The following ZNF428 variants were observed in gnomAD, a reference collection of about 807,000 sequenced individuals.
ZNF428 encodes zinc finger protein 428.
In ZNF428, 5 loss-of-function variants were observed where a neutral mutation model predicts 15.6. The observed-to-expected ratio is 0.32, with a 90% CI of 0.17 to 0.67. The LOEUF (loss-of-function observed/expected upper bound fraction) is 0.67, where lower values mean the gene tolerates loss of function less well. Ranked by LOEUF, ZNF428 falls within the 30% of genes least tolerant of loss-of-function variation. The pLI is 0.73. For missense variants in ZNF428, 237 were observed against 256.0 expected, an observed-to-expected ratio of 0.93 and a Z score of 0.51; for synonymous variants, 97 against 102.2, an observed-to-expected ratio of 0.95 and a Z score of 0.31.
rs1247762355 is a variant in ZNF428, at chr19:43,614,312, G to A, written c.-8C>T. ...CTCACGGGTCTCTGTCATGACCGGG[G>A]GAGGGGACAGGAGACAGGAGCAGAG... On this transcript the variant is annotated 5_prime_UTR_variant, in exon 2 of 3. Coordinates refer to ENST00000300811, the MANE Select transcript of ZNF428 (RefSeq NM_182498.4). 1.3e-6 allele frequency: 2 copies of A among 1,594,288 alleles called. No individual in the cohort carries two copies. Among genetic ancestry groups the A allele is most frequent in the Non-Finnish European group, 1.7e-6 (2 of 1,170,358 alleles).
chr19:43,613,217 A>C, intron 2 of ZNF428: 1 of 1,551,732 alleles, frequency 6.4e-7, no homozygotes, highest in Non-Finnish European at 8.7e-7. Flanking sequence ...AAGAAGTCAT[A>C]GCCATTCCAG....
Position 43,618,481 on chromosome 19 carries a change from A to T in ZNF428, c.-131+1077T>A, listed in dbSNP as rs545238019. On this transcript the variant is annotated intron_variant, in intron 1 of 2. Coordinates refer to ENST00000300811, the MANE Select transcript of ZNF428 (RefSeq NM_182498.4). ...GGAGGTTAGCTCACTGTAACCTCAA[A>T]CTCCTGTGCTCAAGGTACCCTACTA... 3.3e-5 allele frequency among the ~76,000 whole-genome samples: 5 copies of T among 150,708 alleles called. No individual in the cohort carries two copies. In the East Asian group the frequency reaches 9.9e-4, roughly 30 times the overall value.
rs764528819 is a variant in ZNF428, at chr19:43,607,692, C to T, written c.492G>A (p.Thr164=). The T allele has an allele frequency of 9.9e-6, 16 of 1,613,688 alleles. No individual in the cohort carries two copies. The highest frequency in any genetic ancestry group is 3.3e-5 in the Admixed American group (2 of 59,962). ...EEEEEGTYHC[T]ECEDSFDNLG... ...GGTTGTCGAAGGAATCCTCACATTC[C>T]GTACAGTGGTAGGTTCCCTCCTCCT... The change falls in exon 3 of 3, where the codon ACG becomes ACA. Residue 164 remains threonine, a synonymous_variant. Transcript: ENST00000300811. The surrounding 1 kb of genome is among the most constrained non-coding windows in gnomAD (Gnocchi z 5.1).
At chr19:43,609,047 G>A (rs1973268818) in intron 2 of ZNF428, among the ~76,000 whole-genome samples, 1 of 152,144 alleles carries the variant, frequency 6.6e-6, no homozygotes, top group South Asian at 2.1e-4. Context: ...CAAAGCCGGA[G>A]TAGTAAAAAC....
intron 1 of ZNF428, among the ~76,000 whole-genome samples, chr19:43,618,217 T>A (rs2146125445): frequency 6.6e-6 from 1 of 151,952 alleles, no homozygotes; most frequent in South Asian, 2.1e-4. Flanking sequence ...GTATTTTTAG[T>A]AGAGATGGGG....
intron 1 of ZNF428, among the ~76,000 whole-genome samples, chr19:43,617,883 A>C (rs1189354969): frequency 1.3e-5 from 2 of 151,900 alleles, no homozygotes; most frequent in African/African-American, 4.8e-5. Context: ...CTTTTTTGGG[A>C]CGGAGTGTCA....
rs750320554 is a variant in ZNF428, at chr19:43,607,939, G to A, written c.245C>T (p.Ala82Val). ...GGCCGGGGGCTGGGCTGCACGGGGG[G>A]CCCGGCGGGATGGGCCACCACGGCC... ...GGGRGGPSRR[A>V]PRAAQPPAQP... Residue 82 changes from alanine (A) to valine (V), a missense_variant, in exon 3 of 3, where the codon GCC becomes GTC. Ala to Val is a moderately conservative substitution (Grantham distance 64). Coordinates refer to ENST00000300811, the MANE Select transcript of ZNF428 (RefSeq NM_182498.4). This position sits in a 1 kb window ranked among gnomAD's most constrained non-coding sequence, Gnocchi z 5.1. The A allele has an allele frequency of 2.9e-5, 46 of 1,580,026 alleles. No homozygotes were observed. Among genetic ancestry groups the A allele is most frequent in the Non-Finnish European group, 3.9e-5 (45 of 1,163,200 alleles).
intron 2 of ZNF428, chr19:43,613,916 C>T (rs1170203883): frequency 6.4e-7 from 1 of 1,551,484 alleles, no homozygotes; most frequent in Admixed American, 2.0e-5. Context: ...ATCTAGAAGC[C>T]CCAATAAGCA....
chr19:43,615,939 G>C (rs1266289012), intron 1 of ZNF428, among the ~76,000 whole-genome samples: 2 of 152,308 alleles, frequency 1.3e-5, no homozygotes, highest in East Asian at 3.9e-4. Flanking sequence ...GAGGCTTTAA[G>C]ACAGCAGCAT....
chr19:43,607,395 A>AC lies in ZNF428; in HGVS notation c.*221_*222insG, dbSNP rs1568532915. 5.3e-5 allele frequency: 29 copies of AC among 546,758 alleles called. No individual in the cohort carries two copies. The African/African-American group carries it at 5.4e-4, about 10-fold the overall frequency. The allele number at this position is 546,758 out of a possible 1,614,324, so 33.9% of individuals were successfully genotyped here. A position where few individuals can be genotyped will look rare whatever the true frequency, so the allele number is the denominator to read the frequency against. Reference sequence around the variant, plus strand: ...AATACACACACACACACACACACACAAACACACACACGGGCGGGAATACAC... The same window carrying AC: ...AATACACACACACACACACACACACACAACACACACACGGGCGGGAATACAC... On this transcript the variant is annotated 3_prime_UTR_variant, in exon 3 of 3. Transcript: ENST00000300811. This position sits in a 1 kb window ranked among gnomAD's most constrained non-coding sequence, Gnocchi z 5.1.
Position 43,607,386 on chromosome 19 carries a change from C to A in ZNF428, c.*231G>T. 2 of 531,948 alleles carry A rather than the reference C, an allele frequency of 3.8e-6. No individual in the cohort carries two copies. The highest frequency in any genetic ancestry group is 6.4e-6 in the Non-Finnish European group (2 of 313,766). 33.0% of individuals were successfully genotyped at this position (531,948 alleles called of 1,614,324 possible). ...CCCAGGGGGAATACACACACACACA[C>A]ACACACACAAACACACACACGGGCG... On this transcript the variant is annotated 3_prime_UTR_variant, in exon 3 of 3. Transcript: ENST00000300811. This position sits in a 1 kb window ranked among gnomAD's most constrained non-coding sequence, Gnocchi z 5.1.
At chr19:43,616,611 G>C (rs1268762279) in intron 1 of ZNF428, among the ~76,000 whole-genome samples, 2 of 152,172 alleles carry the variant, frequency 1.3e-5, no homozygotes, top group Non-Finnish European at 2.9e-5. Flanking sequence ...AGGTTTTTCT[G>C]AAGATTCAGT....
chr19:43,616,092 G>A (rs1973369044), intron 1 of ZNF428, among the ~76,000 whole-genome samples: 1 of 152,106 alleles, frequency 6.6e-6, no homozygotes, highest in Non-Finnish European at 1.5e-5. Context: ...CAGGCCTAAG[G>A]TACACAACAT....
chr19:43,612,561 C>T lies in ZNF428; in HGVS notation c.76+1668G>A. ...GCCAGCACTCCTGGCAGGATAAGAA[C>T]TCATGGTGCCAGACCAGGCATGGCC... On this transcript the variant is annotated intron_variant, in intron 2 of 2. Transcript: ENST00000300811. The surrounding 1 kb of genome is among the most constrained non-coding windows in gnomAD (Gnocchi z 4.2). 6.4e-7 allele frequency: 1 copy of T among 1,551,528 alleles called. No individual in the cohort carries two copies. The highest frequency in any genetic ancestry group is 8.7e-7 in the Non-Finnish European group (1 of 1,146,958).
chr19:43,612,032 C>G lies in ZNF428; in HGVS notation c.76+2197G>C. ...CCCACTATTACTTCACACAGTTGGC[C>G]TGTGACAGGCAATCAGGTCATCGTC... On this transcript the variant is annotated intron_variant, in intron 2 of 2. Coordinates refer to ENST00000300811, the MANE Select transcript of ZNF428 (RefSeq NM_182498.4). This position sits in a 1 kb window ranked among gnomAD's most constrained non-coding sequence, Gnocchi z 4.2. The G allele has an allele frequency of 1.0e-6, 1 of 990,676 alleles. No homozygotes were observed. The highest frequency in any genetic ancestry group is 1.5e-6 in the Non-Finnish European group (1 of 654,186). 61.4% of individuals were successfully genotyped at this position (990,676 alleles called of 1,614,324 possible). A position where few individuals can be genotyped will look rare whatever the true frequency, so the allele number is the denominator to read the frequency against.
chr19:43,612,687 G>A lies in ZNF428; in HGVS notation c.76+1542C>T. The A allele has an allele frequency of 1.9e-6, 3 of 1,551,574 alleles. No individual in the cohort carries two copies. The highest frequency in any genetic ancestry group is 2.6e-6 in the Non-Finnish European group (3 of 1,146,994). On this transcript the variant is annotated intron_variant, in intron 2 of 2. Coordinates refer to ENST00000300811, the MANE Select transcript of ZNF428 (RefSeq NM_182498.4). The surrounding 1 kb of genome is among the most constrained non-coding windows in gnomAD (Gnocchi z 4.2). ...AGGGAAAGGAGTGACAGCCAGCCTA[G>A]AAATCTGAGCAAGAAGAGTTACCGC...
In ZNF428 at chr19:43,612,862, G is replaced by A; in HGVS notation, c.76+1367C>T. The A allele has an allele frequency of 6.4e-7, 1 of 1,551,730 alleles. No homozygotes were observed. Among genetic ancestry groups the A allele is most frequent in the South Asian group, 1.2e-5 (1 of 84,062 alleles). ...CAAGGAAGGTGAAGAGCTACGGTCAGATGATCATCCCCAGTAGGGAAAAGA... is the reference window on the plus strand; with the variant it reads ...CAAGGAAGGTGAAGAGCTACGGTCAAATGATCATCCCCAGTAGGGAAAAGA... On this transcript the variant is annotated intron_variant, in intron 2 of 2. Coordinates refer to ENST00000300811, the MANE Select transcript of ZNF428 (RefSeq NM_182498.4). The surrounding 1 kb of genome is among the most constrained non-coding windows in gnomAD (Gnocchi z 4.2).
chr19:43,618,144 C>T (rs76287671), intron 1 of ZNF428, among the ~76,000 whole-genome samples: 20,169 of 150,194 alleles, frequency 0.13, 1,819 homozygotes, highest in Non-Finnish European at 0.19. Context: ...ACGCCATTCT[C>T]CTGCCTCAGC....
At position 43,612,408 on chromosome 19, in the gene ZNF428, C is replaced by G. The variant is rs775290946; in HGVS notation, c.76+1821G>C. ...GCAAGAACACCCAGCAGGGTGAGCA[C>G]CGACACCAGGACCAGCAAAGCCAGC... On this transcript the variant is annotated intron_variant, in intron 2 of 2. Coordinates refer to ENST00000300811, the MANE Select transcript of ZNF428 (RefSeq NM_182498.4). This position sits in a 1 kb window ranked among gnomAD's most constrained non-coding sequence, Gnocchi z 4.2. The G allele has an allele frequency of 4.8e-5, 75 of 1,551,526 alleles. No individual in the cohort carries two copies. The highest frequency in any genetic ancestry group is 6.1e-5 in the Non-Finnish European group (70 of 1,146,994).
Sources: allele counts gnomAD v4.1 joint callset (sites outside exome capture counted in the v4.1 genomes callset), GRCh38; gene constraint gnomAD v4.1.1; non-coding constraint Gnocchi (gnomAD v3.1); transcripts MANE v1.5; gene names NCBI Gene and HGNC (gene_info 2026-07-23, HGNC 2026-07-21).